Variants in SERAC1 observed in about 807,000 individuals in gnomAD.
SERAC1 encodes the protein serine active site containing 1, also known as protein SERAC1.
In SERAC1, 36 loss-of-function variants were observed where a neutral mutation model predicts 85.7. The observed-to-expected ratio is 0.42, with a 90% CI of 0.32 to 0.55. The LOEUF (loss-of-function observed/expected upper bound fraction) is 0.55. SERAC1 is among the 20% of genes least tolerant of loss of function. SERAC1 has a pLI of 0.11. For synonymous variants in SERAC1, 242 were observed against 265.3 expected (o/e 0.91, Z 0.85); for missense variants, 629 against 796.2 (o/e 0.79, Z 2.53).
rs761266509 is a variant in SERAC1 at position 158,119,068 on chromosome 6, A to G, written c.1269T>C (p.Pro423=). 5 of 1,613,920 alleles carry G rather than the reference A, an allele frequency of 3.1e-6. No homozygotes were observed. The highest frequency in any genetic ancestry group is 3.4e-6 in the Non-Finnish European group (4 of 1,179,894). The change falls in exon 12 of 17, where the codon CCT becomes CCC. Residue 423 remains proline, a synonymous_variant. Coordinates refer to ENST00000647468, the MANE Select transcript of SERAC1 (RefSeq NM_032861.4). This position sits in a 1 kb window ranked among gnomAD's most constrained non-coding sequence, Gnocchi z 4.5. ...TCGTATATCTGTCTTCATCCTCCAT[A>G]GGTTTTTCAATTACAGCCTGCTCAC... ...QDSEQAVIEK[P]MEDEDRYTTC...
intron 6 of SERAC1, among the ~76,000 whole-genome samples, chr6:158,145,619 C>T (rs546268883): frequency 2.0e-5 from 3 of 147,510 alleles, no homozygotes; most frequent in Admixed American, 6.9e-5. Context: ...CTCGTGGGTT[C>T]GCAATTCTTG....
chr6:158,117,420 AAAC>A lies in SERAC1; in HGVS notation c.1403+304_1403+306del, dbSNP rs1784315473. 67 of 1,240,662 alleles carry A rather than the reference AAAC, an allele frequency of 5.4e-5. 1 individual carries two copies. The South Asian group carries it at 9.4e-4, about 17-fold the overall frequency. The allele number at this position is 1,240,662 out of a possible 1,614,324, so 76.9% of individuals were successfully genotyped here. On this transcript the variant is annotated intron_variant, in intron 13 of 16. Transcript: ENST00000647468. This position sits in a 1 kb window ranked among gnomAD's most constrained non-coding sequence, Gnocchi z 4.3. ...TATGATTGTGGACACAAGAACAAAAAAACATCACTTTTACTTCTGATAGAAAAG... is the reference window on the plus strand; with the variant it reads ...TATGATTGTGGACACAAGAACAAAAAATCACTTTTACTTCTGATAGAAAAG...
At chr6:158,144,970 GC>G (rs1785018859) in intron 6 of SERAC1, among the ~76,000 whole-genome samples, 1 of 152,132 alleles carries the variant, frequency 6.6e-6, no homozygotes, top group Non-Finnish European at 1.5e-5. Flanking sequence ...TTGGCCAGTC[GC>G]CATGGTTCAG....
rs113627254 is a variant in SERAC1 at position 158,167,834 on chromosome 6, TTCC to T, written c.-2+303_-2+305del. 7.6e-3 allele frequency among the ~76,000 whole-genome samples: 1,162 copies of T among 151,984 alleles called. 13 individuals are homozygous for T. The highest frequency in any genetic ancestry group is 0.027 in the African/African-American group (1,105 of 41,446). ...GCTCAGAAGTGACTGGTGAGGCCCTTTCCTCCTCCTCCTCATCTCTCCGTGACT... is the reference window on the plus strand; with the variant it reads ...GCTCAGAAGTGACTGGTGAGGCCCTTTCCTCCTCCTCATCTCTCCGTGACT... On this transcript the variant is annotated intron_variant, in intron 1 of 16. Transcript: ENST00000647468.
chr6:158,122,269 C>A (rs376600733), intron 10 of SERAC1, among the ~76,000 whole-genome samples: 1 of 152,192 alleles, frequency 6.6e-6, no homozygotes, highest in Non-Finnish European at 1.5e-5. Context: ...AACTGCCTAA[C>A]GATACATTCC....
intron 8 of SERAC1, among the ~76,000 whole-genome samples, chr6:158,141,015 C>T (rs1224718857): frequency 6.6e-6 from 1 of 152,102 alleles, no homozygotes. Context: ...ATTATTCATA[C>T]ATAACAGCCA....
At chr6:158,137,156 CAA>C (rs754524031) in intron 8 of SERAC1, among the ~76,000 whole-genome samples, 9 of 99,252 alleles carry the variant, frequency 9.1e-5, no homozygotes, top group Non-Finnish European at 1.3e-4. Flanking sequence ...GGCTGTGCCT[CAA>C]AAAAAAAAAA....
chr6:158,151,429 T>C (rs963289573), intron 3 of SERAC1, among the ~76,000 whole-genome samples: 1 of 66,400 alleles, frequency 1.5e-5, no homozygotes. Context: ...CTCAAAAAGA[T>C]TTTTTTTTTT....
intron 1 of SERAC1, chr6:158,161,916 C>G (rs978026285): frequency 1.3e-5 from 2 of 152,208 alleles, no homozygotes; most frequent in Non-Finnish European, 2.9e-5. Context: ...TTCAGCTCGT[C>G]TACCCTGTCT....
chr6:158,128,102 T>C lies in SERAC1; in HGVS notation c.1015+6A>G. ...GTAAAAAATACTCAGTATATAAAGC[T>C]GTTACCTGAGCGAACTATAGAAGAA... On this transcript the variant is annotated splice_donor_region_variant and intron_variant, in intron 10 of 16. Coordinates refer to ENST00000647468, the MANE Select transcript of SERAC1 (RefSeq NM_032861.4). 1 of 1,613,322 alleles carries C rather than the reference T, an allele frequency of 6.2e-7. No homozygotes were observed. Among genetic ancestry groups the C allele is most frequent in the Non-Finnish European group, 8.5e-7 (1 of 1,179,544 alleles).
intron 8 of SERAC1, among the ~76,000 whole-genome samples, chr6:158,138,699 T>G (rs781082324): frequency 2.6e-5 from 4 of 151,936 alleles, no homozygotes; most frequent in Non-Finnish European, 5.9e-5. Flanking sequence ...GCTGAAACTA[T>G]CAGATGTTAG....
At chr6:158,143,317 C>T in intron 7 of SERAC1, 133 bp from the exon 8 acceptor site, 1 of 289,496 alleles carries the variant, frequency 3.5e-6, no homozygotes, top group Non-Finnish European at 6.0e-6. Flanking sequence ...CTCTCTCTCT[C>T]TCTCTCTCTC....
intron 4 of SERAC1, among the ~76,000 whole-genome samples, chr6:158,149,658 A>G (rs1352033426): frequency 6.6e-6 from 1 of 152,256 alleles, no homozygotes; most frequent in Non-Finnish European, 1.5e-5. Context: ...ATTATAAGCA[A>G]CAACAATCAT....
At position 158,114,647 on chromosome 6, in the gene SERAC1, C is replaced by A; in HGVS notation, c.1684+142G>T. 9.8e-6 allele frequency: 10 copies of A among 1,015,320 alleles called. No individual in the cohort carries two copies. The South Asian group carries it at 1.5e-4, about 15-fold the overall frequency. 62.9% of individuals were successfully genotyped at this position (1,015,320 alleles called of 1,614,324 possible). A position where few individuals can be genotyped will look rare whatever the true frequency, so the allele number is the denominator to read the frequency against. On this transcript the variant is annotated intron_variant, in intron 15 of 16. Transcript: ENST00000647468. ...TTATCAAAGAAAAATCAAGCCCAAC[C>A]CAAAATTTCCATGAATAGTCTAAAC... is the stretch of plus-strand genomic sequence containing the variant.
chr6:158,150,658 T>C (rs750982634), intron 3 of SERAC1, 69 bp from the exon 4 acceptor site: 48 of 1,156,636 alleles, frequency 4.1e-5, no homozygotes, highest in Non-Finnish European at 5.8e-5. Flanking sequence ...TACTCTTCTC[T>C]ATTAAGCTTG....
At chr6:158,158,130 G>T (rs989180517) in intron 2 of SERAC1, 143 bp downstream of exon 2, 5 of 519,556 alleles carry the variant, frequency 9.6e-6, no homozygotes, top group Admixed American at 3.5e-5. Context: ...TATAAATTTG[G>T]GGTGAACTAT....
At chr6:158,160,347 A>C (rs1471891755) in intron 1 of SERAC1, among the ~76,000 whole-genome samples, 2 of 152,216 alleles carry the variant, frequency 1.3e-5, no homozygotes, top group Non-Finnish European at 2.9e-5. Flanking sequence ...CTCTAGTGCA[A>C]AACACCCCAA....
intron 5 of SERAC1, among the ~76,000 whole-genome samples, chr6:158,148,257 G>A (rs141561521): frequency 4.1e-4 from 63 of 152,120 alleles, no homozygotes; most frequent in African/African-American, 1.3e-3. Context: ...TATGATATTG[G>A]ATATACTATG....
chr6:158,144,157 G>T lies in SERAC1; in HGVS notation c.609+142C>A, dbSNP rs201162117. On this transcript the variant is annotated intron_variant, in intron 7 of 16. Transcript: ENST00000647468. ...AACCAAATCTTTGTATAAAAACTAT[G>T]ATTTCAGTTTTACATTCCAGTTTAT... The T allele has an allele frequency of 3.6e-4, 228 of 639,250 alleles. 1 individual carries two copies. In the East Asian group the frequency reaches 6.1e-3, roughly 17 times the overall value. The allele number at this position is 639,250 out of a possible 1,614,324, so 39.6% of individuals were successfully genotyped here. A position where few individuals can be genotyped will look rare whatever the true frequency, so the allele number is the denominator to read the frequency against.
Sources: allele counts gnomAD v4.1 joint callset (sites outside exome capture counted in the v4.1 genomes callset), GRCh38; gene constraint gnomAD v4.1.1; non-coding constraint Gnocchi (gnomAD v3.1); transcripts MANE v1.5; gene names NCBI Gene and HGNC (gene_info 2026-07-23, HGNC 2026-07-21).